Variants in RANBP17 observed in about 807,000 individuals in gnomAD.
The protein encoded by RANBP17 is ran-binding protein 17.
Under a neutral mutation model 141.2 loss-of-function variants are expected in RANBP17, and 158 were observed. That is an observed-to-expected ratio of 1.12 (90% CI 0.98 to 1.28). The LOEUF (loss-of-function observed/expected upper bound fraction) is 1.28. Among genes scored for constraint, RANBP17 ranks in the 50% most tolerant of loss-of-function variants. RANBP17 has a pLI of 0.00. For synonymous variants in RANBP17, 430 were observed against 450.0 expected, an observed-to-expected ratio of 0.96 and a Z score of 0.56; for missense variants, 1,438 against 1,290.7, an observed-to-expected ratio of 1.11 and a Z score of -1.75.
At position 171,221,913 on chromosome 5, in the gene RANBP17, T is replaced by C. The variant is rs867815276; in HGVS notation, c.2422+73T>C. On this transcript the variant is annotated intron_variant, in intron 22 of 27. Coordinates refer to ENST00000523189, the MANE Select transcript of RANBP17 (RefSeq NM_022897.5). The stretch of plus-strand genomic sequence containing the variant: ...TTAGAGGAAAGAAAGATGTTAGTTA[T>C]TTTGTTCTTTTGAACTTTCATATCT... 5.2e-6 allele frequency: 5 copies of C among 959,282 alleles called. No individual in the cohort carries two copies. In the Middle Eastern group the frequency reaches 1.1e-3, roughly 210 times the overall value. The allele number at this position is 959,282 out of a possible 1,614,324, so 59.4% of individuals were successfully genotyped here.
intron 14 of RANBP17, among the ~76,000 whole-genome samples, chr5:171,064,072 T>G (rs1045461996): frequency 6.6e-6 from 1 of 152,246 alleles, no homozygotes; most frequent in Admixed American, 6.5e-5. Context: ...TGTCACCCCT[T>G]TCTTTGACTA....
At chr5:171,194,599 A>G (rs1761854405) in intron 18 of RANBP17, among the ~76,000 whole-genome samples, 2 of 152,200 alleles carry the variant, frequency 1.3e-5, no homozygotes, top group African/African-American at 2.4e-5. Context: ...TTGTTTAGCC[A>G]TTCATTAGTT....
At chr5:171,099,785 C>T (rs1254728435) in intron 14 of RANBP17, among the ~76,000 whole-genome samples, 1 of 152,170 alleles carries the variant, frequency 6.6e-6, no homozygotes, top group African/African-American at 2.4e-5. Flanking sequence ...CCGTCAGTTC[C>T]TAATTTATTG....
intron 14 of RANBP17, among the ~76,000 whole-genome samples, chr5:171,061,474 G>A (rs1189708275): frequency 6.6e-6 from 1 of 151,964 alleles, no homozygotes; most frequent in African/African-American, 2.4e-5. Flanking sequence ...GAGCGGTTTT[G>A]AGTGAGTTTC....
At chr5:171,085,217 G>A (rs1041384475) in intron 14 of RANBP17, among the ~76,000 whole-genome samples, 22 of 140,680 alleles carry the variant, frequency 1.6e-4, no homozygotes, top group Non-Finnish European at 2.8e-4. Flanking sequence ...TATTAAATAG[G>A]GAATCCTTTC....
chr5:171,015,891 C>T (rs1174072545), intron 14 of RANBP17, among the ~76,000 whole-genome samples: 5 of 152,124 alleles, frequency 3.3e-5, no homozygotes, highest in African/African-American at 1.2e-4. Context: ...TTGTATGAAC[C>T]CTAGATACTA....
intron 18 of RANBP17, among the ~76,000 whole-genome samples, chr5:171,198,189 AGTT>A (rs1762086180): frequency 6.6e-6 from 1 of 152,366 alleles, no homozygotes; most frequent in East Asian, 1.9e-4. Flanking sequence ...TGTTATCACC[AGTT>A]AACAGAGAAG....
At chr5:171,034,286 A>G (rs1781733453) in intron 14 of RANBP17, among the ~76,000 whole-genome samples, 1 of 152,194 alleles carries the variant, frequency 6.6e-6, no homozygotes, top group African/African-American at 2.4e-5. Flanking sequence ...GCTTGGTCCC[A>G]GGTTGTAATT....
intron 14 of RANBP17, among the ~76,000 whole-genome samples, chr5:171,005,879 A>T (rs1216297143): frequency 6.6e-6 from 1 of 152,216 alleles, no homozygotes; most frequent in African/African-American, 2.4e-5. Flanking sequence ...ATCTACAATG[A>T]ACTCAAACAA....
At chr5:171,005,326 G>C (rs1337122975) in intron 14 of RANBP17, among the ~76,000 whole-genome samples, 2 of 152,060 alleles carry the variant, frequency 1.3e-5, no homozygotes, top group African/African-American at 2.4e-5. Flanking sequence ...AGGCATCATG[G>C]TACCTGACTT....
At chr5:170,915,268 A>G (rs998046336) in intron 8 of RANBP17, among the ~76,000 whole-genome samples, 1 of 152,192 alleles carries the variant, frequency 6.6e-6, no homozygotes, top group Non-Finnish European at 1.5e-5. Context: ...GACATGTCCT[A>G]TTTATTGTAT....
At chr5:171,083,806 A>AG (rs1328742946) in intron 14 of RANBP17, among the ~76,000 whole-genome samples, 15 of 152,062 alleles carry the variant, frequency 9.9e-5, no homozygotes, top group African/African-American at 3.6e-4. Flanking sequence ...TGATATTATA[A>AG]GGGGGAGTTT....
intron 5 of RANBP17, among the ~76,000 whole-genome samples, chr5:170,901,749 G>A (rs527457664): frequency 6.3e-4 from 96 of 152,280 alleles, no homozygotes; most frequent in Admixed American, 1.4e-3. Context: ...TTGCTTGTCC[G>A]TAAAGGATTT....
intron 14 of RANBP17, among the ~76,000 whole-genome samples, chr5:171,062,394 T>A (rs943754671): frequency 2.0e-5 from 3 of 152,182 alleles, no homozygotes; most frequent in Non-Finnish European, 4.4e-5. Context: ...GTCTGTAAAG[T>A]ATTTTATTTC....
intron 4 of RANBP17, among the ~76,000 whole-genome samples, chr5:170,895,810 G>A (rs1770063522): frequency 6.6e-6 from 1 of 152,224 alleles, no homozygotes; most frequent in Admixed American, 6.5e-5. Flanking sequence ...TTATAAGGGA[G>A]GAGCTTTTTC....
chr5:171,199,107 A>G (rs981120050), intron 18 of RANBP17, among the ~76,000 whole-genome samples: 1 of 152,142 alleles, frequency 6.6e-6, no homozygotes, highest in African/African-American at 2.4e-5. Context: ...AGCTTAGTGT[A>G]AGAAGTGTAC....
intron 25 of RANBP17, among the ~76,000 whole-genome samples, chr5:171,271,922 A>C (rs2128027489): frequency 6.6e-6 from 1 of 152,314 alleles, no homozygotes; most frequent in South Asian, 2.1e-4. Flanking sequence ...TTCTATTCAC[A>C]ATAGCACATG....
At chr5:171,225,116 C>G (rs1168956472) in intron 22 of RANBP17, among the ~76,000 whole-genome samples, 10 of 152,204 alleles carry the variant, frequency 6.6e-5, no homozygotes, top group Non-Finnish European at 1.3e-4. Context: ...ACATAGCTAG[C>G]AAGTAGCTGA....
intron 12 of RANBP17, among the ~76,000 whole-genome samples, chr5:170,936,050 T>A (rs1773846946): frequency 6.6e-6 from 1 of 152,158 alleles, no homozygotes; most frequent in African/African-American, 2.4e-5. Context: ...CAGGCTCTTG[T>A]GCTAGCAGTG....
Sources: gnomAD v4.1 joint callset for allele counts (sites outside exome capture counted in the v4.1 genomes callset) on GRCh38, gnomAD v4.1.1 for gene constraint, MANE v1.5 for transcripts, NCBI Gene and HGNC (gene_info 2026-07-23, HGNC 2026-07-21) for gene names.